The following ITPR2 variants were observed in gnomAD, a reference collection of about 807,000 sequenced individuals.
ITPR2 encodes inositol 1,4,5-trisphosphate receptor type 2, also known as inositol 1,4,5-trisphosphate-gated calcium channel ITPR2.
In ITPR2, 207 loss-of-function variants were observed where a neutral mutation model predicts 317.1. The observed-to-expected ratio is 0.65, with a 90% confidence interval of 0.58 to 0.73. The LOEUF is 0.73. ITPR2 is among the 30% of genes least tolerant of loss of function. The pLI, the probability that ITPR2 is intolerant of heterozygous loss-of-function variation, is 0.00. For synonymous variants in ITPR2, 1,156 were observed against 1,149.1 expected, an observed-to-expected ratio of 1.01 and a Z score of -0.12; for missense variants, 2,613 against 3,284.0, an observed-to-expected ratio of 0.80 and a Z score of 4.99.
intron 37 of ITPR2, among the ~76,000 whole-genome samples, chr12:26,521,574 A>T (rs1435306671): frequency 6.6e-6 from 1 of 152,138 alleles, no homozygotes; most frequent in Non-Finnish European, 1.5e-5. Flanking sequence ...TTACAGACTT[A>T]ATTTGGCCTT....
chr12:26,522,656 T>G (rs567440966), intron 37 of ITPR2, among the ~76,000 whole-genome samples: 1 of 152,326 alleles, frequency 6.6e-6, no homozygotes, highest in South Asian at 2.1e-4. Context: ...GGAAAGTACA[T>G]GTGCAAGTTA....
At chr12:26,713,993 T>C (rs1948695250) in intron 8 of ITPR2, among the ~76,000 whole-genome samples, 1 of 152,240 alleles carries the variant, frequency 6.6e-6, no homozygotes, top group Non-Finnish European at 1.5e-5. Context: ...CACCTGTTGA[T>C]GGTTGTGGTC....
At chr12:26,496,850 A>C (rs1461148879) in intron 37 of ITPR2, among the ~76,000 whole-genome samples, 1 of 151,258 alleles carries the variant, frequency 6.6e-6, no homozygotes, top group Non-Finnish European at 1.5e-5. Flanking sequence ...AGGCTGAGGC[A>C]GGAGAATGGC....
chr12:26,339,409 CA>C lies in ITPR2; in HGVS notation c.8093del (p.Met2698SerfsTer13), dbSNP rs1475970311. On this transcript the variant is annotated frameshift_variant, in exon 57 of 57. Coordinates refer to ENST00000381340, the MANE Select transcript of ITPR2 (RefSeq NM_002223.4). LOFTEE classifies it high-confidence loss of function. ...TCCCCCCATGGTATCAGTGTGGTGGCATGTGATGATTCACATGGGGTGTGTT... is the reference window on the plus strand; with the variant it reads ...TCCCCCCATGGTATCAGTGTGGTGGCTGTGATGATTCACATGGGGTGTGTT... ...GSNTPHVNHH[M>X]PPH 6.2e-7 allele frequency: 1 copy of C among 1,613,414 alleles called. No homozygotes were observed. The highest frequency in any genetic ancestry group is 8.5e-7 in the Non-Finnish European group (1 of 1,179,608).
At chr12:26,770,848 T>A (rs1305791833) in intron 2 of ITPR2, among the ~76,000 whole-genome samples, 1 of 152,160 alleles carries the variant, frequency 6.6e-6, no homozygotes, top group Non-Finnish European at 1.5e-5. Flanking sequence ...TACACTCTCA[T>A]AGTTCTGGAG....
chr12:26,526,842 A>T (rs2136951059), intron 37 of ITPR2, among the ~76,000 whole-genome samples: 1 of 152,312 alleles, frequency 6.6e-6, no homozygotes, highest in Middle Eastern at 3.4e-3. Flanking sequence ...AAGGGGCGAG[A>T]GATAAGAAGA....
chr12:26,358,582 C>A (rs920046578), intron 55 of ITPR2, among the ~76,000 whole-genome samples: 2 of 152,226 alleles, frequency 1.3e-5, no homozygotes, highest in East Asian at 3.9e-4. Flanking sequence ...GTGGATTAAA[C>A]TACTTATTCT....
chr12:26,624,923 T>C (rs1946585924), intron 23 of ITPR2, among the ~76,000 whole-genome samples: 1 of 152,174 alleles, frequency 6.6e-6, no homozygotes, highest in South Asian at 2.1e-4. Flanking sequence ...TAGCTAAGAT[T>C]TGGAATCAAC....
intron 55 of ITPR2, among the ~76,000 whole-genome samples, chr12:26,371,719 G>A (rs11048485): frequency 0.2 from 30,705 of 151,994 alleles, 3,848 homozygotes; most frequent in East Asian, 0.47. Context: ...TTGGGTGTAC[G>A]GGAACCGAGC....
chr12:26,588,684 G>T (rs1945602336), intron 32 of ITPR2, among the ~76,000 whole-genome samples: 1 of 152,138 alleles, frequency 6.6e-6, no homozygotes, highest in African/African-American at 2.4e-5. Context: ...TATAAGAGTT[G>T]TTAACAAAGT....
At position 26,387,467 on chromosome 12, in the gene ITPR2, A is replaced by G; in HGVS notation, c.7824T>C (p.Thr2608=). 6.2e-7 allele frequency: 1 copy of G among 1,613,836 alleles called. No homozygotes were observed. The highest frequency in any genetic ancestry group is 8.5e-7 in the Non-Finnish European group (1 of 1,179,854). Residue 2608 remains threonine (T), a synonymous_variant, in exon 55 of 57, where the codon ACT becomes ACC. Coordinates refer to ENST00000381340, the MANE Select transcript of ITPR2 (RefSeq NM_002223.4). ...LVKVKDPTEY[T]GPESYVAQMI... ...TTTGAGCCACATAACTTTCAGGTCC[A>G]GTGTATTCTGTTGGGTCTTTAACTT...
chr12:26,659,987 C>T (rs1009233545), intron 15 of ITPR2, among the ~76,000 whole-genome samples: 5 of 152,138 alleles, frequency 3.3e-5, no homozygotes, highest in African/African-American at 1.2e-4. Flanking sequence ...TCCATTTGCC[C>T]AATAAATGTT....
rs538514947 is a variant in ITPR2, at chr12:26,659,301, G to A, written c.1714-16C>T. 1 of 1,610,434 alleles carries A rather than the reference G, an allele frequency of 6.2e-7. No homozygotes were observed. The highest frequency in any genetic ancestry group is 8.5e-7 in the Non-Finnish European group (1 of 1,178,322). ...CAATATATTCCTGCAAAGAAGAAAG[G>A]CTGTCAGAATGCACTGCCAAACAGC... On this transcript the variant is annotated splice_polypyrimidine_tract_variant and intron_variant, in intron 15 of 56. Transcript: ENST00000381340.
At chr12:26,518,248 C>T (rs1262776818) in intron 37 of ITPR2, among the ~76,000 whole-genome samples, 1 of 152,138 alleles carries the variant, frequency 6.6e-6, no homozygotes, top group African/African-American at 2.4e-5. Context: ...GGCCATTATC[C>T]TAAGCAAACT....
chr12:26,516,280 G>GGAAGGGAAAGGAAGGGAAAGGAAGGGAAA (rs1565574580), intron 37 of ITPR2, among the ~76,000 whole-genome samples: 1 of 45,212 alleles, frequency 2.2e-5, no homozygotes, highest in Non-Finnish European at 3.8e-5. Flanking sequence ...AGGAAGGGAA[G>GGAAGGGAAAGGAAGGGAAAGGAAGGGAAA]GGAAGGGAAA....
intron 13 of ITPR2, among the ~76,000 whole-genome samples, chr12:26,673,673 T>G (rs1565682983): frequency 1.3e-5 from 2 of 151,276 alleles, no homozygotes; most frequent in African/African-American, 4.9e-5. Context: ...CTATTCAACA[T>G]AGTGTTGGAA....
At chr12:26,692,810 G>A (rs748183884) in intron 10 of ITPR2, among the ~76,000 whole-genome samples, 16 of 152,046 alleles carry the variant, frequency 1.1e-4, no homozygotes, top group Non-Finnish European at 1.9e-4. Flanking sequence ...AATATTAACT[G>A]GGCATTACAT....
chr12:26,654,241 C>T, intron 20 of ITPR2, 115 bp from the exon 21 acceptor site: 1 of 767,790 alleles, frequency 1.3e-6, no homozygotes, highest in Non-Finnish European at 2.0e-6. Context: ...AATTTCTAAA[C>T]TTCCTAATTC....
At chr12:26,617,933 A>G (rs1214412644) in intron 26 of ITPR2, among the ~76,000 whole-genome samples, 1 of 152,238 alleles carries the variant, frequency 6.6e-6, no homozygotes, top group Non-Finnish European at 1.5e-5. Context: ...TAAATCTAGA[A>G]TGCAAAGTTA....
Sources: allele counts gnomAD v4.1 joint callset (sites outside exome capture counted in the v4.1 genomes callset), GRCh38; gene constraint gnomAD v4.1.1; transcripts MANE v1.5; gene names NCBI Gene and HGNC (gene_info 2026-07-23, HGNC 2026-07-21).